Variants in NME4 observed in about 807,000 individuals in gnomAD.
The protein encoded by NME4 is NME/NM23 nucleoside diphosphate kinase 4, also known as nucleoside diphosphate kinase D, mitochondrial.
In NME4, 21 loss-of-function variants were observed where a neutral mutation model predicts 16.4. The ratio of observed to expected loss-of-function variants is 1.28; its 90% CI spans 0.91 to 1.84. The LOEUF is 1.84. Ranked by LOEUF, NME4 falls within the 40% of genes most tolerant of loss-of-function variation. The pLI is 0.00. For missense variants in NME4, 316 were observed against 261.3 expected (o/e 1.21, Z -1.44); for synonymous variants, 132 against 107.5 (o/e 1.23, Z -1.41).
intron 3 of NME4, 44 bp downstream of exon 3, chr16:399,524 C>A: frequency 1.3e-6 from 2 of 1,595,704 alleles, no homozygotes; most frequent in Non-Finnish European, 1.7e-6. Context: ...GGGTAAAGGG[C>A]GTGTGGGTGT....
chr16:400,430 G>C lies in NME4; in HGVS notation c.*88G>C. 1 of 1,503,990 alleles carries C rather than the reference G, an allele frequency of 6.6e-7. No homozygotes were observed. Among genetic ancestry groups the C allele is most frequent in the Non-Finnish European group, 8.9e-7 (1 of 1,126,528 alleles). The allele number at this position is 1,503,990 out of a possible 1,614,324, so 93.2% of individuals were successfully genotyped here. A position where few individuals can be genotyped will look rare whatever the true frequency, so the allele number is the denominator to read the frequency against. On this transcript the variant is annotated 3_prime_UTR_variant, in exon 5 of 5. Coordinates refer to ENST00000219479, the MANE Select transcript of NME4 (RefSeq NM_005009.3). The stretch of plus-strand genomic sequence containing the variant: ...CCCAAGCCCACATCCAAACCTGCCT[G>C]TCCCAAACCACTTACTTCCCTGTTC...
At chr16:399,354 T>C (rs1473301464) in intron 2 of NME4, 25 bp from the exon 3 acceptor site, 1 of 1,607,856 alleles carries the variant, frequency 6.2e-7, no homozygotes, top group Non-Finnish European at 8.5e-7. Flanking sequence ...TGTCTGCGGC[T>C]CCTCCTTACC....
chr16:399,963 AC>A, intron 4 of NME4: 1 of 651,550 alleles, frequency 1.5e-6, no homozygotes. Flanking sequence ...GTTACCTGAC[AC>A]CCCAAGGGGT....
chr16:398,918 G>C (rs1228874067), intron 1 of NME4, 72 bp from the exon 2 acceptor site: 43 of 1,589,988 alleles, frequency 2.7e-5, no homozygotes, highest in Non-Finnish European at 2.7e-5. Context: ...CCTGGGCTCT[G>C]GCTGGGAAAC....
rs2054565851 is a variant in NME4, at chr16:397,438, CG to C, written c.91+129del. On this transcript the variant is annotated intron_variant, in intron 1 of 4. Coordinates refer to ENST00000219479, the MANE Select transcript of NME4 (RefSeq NM_005009.3). The stretch of plus-strand genomic sequence containing the variant: ...CCCAGAGGCCTCGGGGCGCGGGCTG[CG>C]GGGTCCGTCCGAGTTGGGGAAGGCG... The C allele has an allele frequency of 4.2e-5, 11 of 264,928 alleles. No individual in the cohort carries two copies. The South Asian group carries it at 1.6e-3, about 39-fold the overall frequency. 16.4% of individuals were successfully genotyped at this position (264,928 alleles called of 1,614,324 possible).
rs763284938 is a variant in NME4 at position 399,059 on chromosome 16, T to C, written c.161T>C (p.Val54Ala). ...VKPDGVQRRLVGDVIQRFERR... is the reference protein window; with the variant it reads ...VKPDGVQRRLAGDVIQRFERR... ...CCCGATGGCGTGCAACGGCGGCTCG[T>C]TGGGGACGTGATCCAGCGCTTTGAG... The change falls in exon 2 of 5, where the codon GTT becomes GCT. Residue 54 changes from valine to alanine, a missense_variant. Physicochemically the swap from Val to Ala is moderately conservative, Grantham distance 64. Coordinates refer to ENST00000219479, the MANE Select transcript of NME4 (RefSeq NM_005009.3). 7 of 1,606,278 alleles carry C rather than the reference T, an allele frequency of 4.4e-6. No homozygotes were observed. Among genetic ancestry groups the C allele is most frequent in the South Asian group, 2.2e-5 (2 of 90,934 alleles).
At chr16:398,501 T>C in intron 1 of NME4, 3 of 876,908 alleles carry the variant, frequency 3.4e-6, no homozygotes, top group Non-Finnish European at 4.6e-6. Context: ...TCTGTCGTCA[T>C]CCAGAAGGGA....
intron 1 of NME4, chr16:398,127 G>T: frequency 1.3e-6 from 2 of 1,533,726 alleles, no homozygotes; most frequent in South Asian, 2.4e-5. Context: ...GGAAACCAGG[G>T]ACCCGATGCC....
chr16:398,179 G>C, intron 1 of NME4: 1 of 1,507,904 alleles, frequency 6.6e-7, no homozygotes, highest in Non-Finnish European at 8.9e-7. Context: ...ACTATAGGAA[G>C]GTGAGGACGT....
At chr16:398,746 G>A (rs2054599587) in intron 1 of NME4, 2 of 590,606 alleles carry the variant, frequency 3.4e-6, no homozygotes, top group Admixed American at 3.2e-5. Context: ...TGCCTCTGCT[G>A]GGAGGAGCCA....
chr16:398,312 C>G, intron 1 of NME4: 5 of 1,334,572 alleles, frequency 3.7e-6, no homozygotes, highest in Non-Finnish European at 4.9e-6. Context: ...CGTCTCCTGG[C>G]TCGGACAGAA....
chr16:400,130 C>CA, intron 4 of NME4, 89 bp from the exon 5 acceptor site: 2 of 1,560,744 alleles, frequency 1.3e-6, no homozygotes, highest in Non-Finnish European at 1.7e-6. Context: ...CTCCCCTAGA[C>CA]AGAGGGCAAC....
rs1251815841 is a variant in NME4 at position 397,228 on chromosome 16, C to T, written c.6C>T (p.Gly2=). ...CGGCCCGCGGGCCGGGCGTCATGGG[C>T]GGCCTCTTCTGGCGCTCCGCGCTGC... The part of the protein sequence containing the change: M[G]GLFWRSALRG... Residue 2 remains glycine (G), a synonymous_variant, in exon 1 of 5, where the codon GGC becomes GGT. Transcript: ENST00000219479. 11 of 1,027,792 alleles carry T rather than the reference C, an allele frequency of 1.1e-5. No homozygotes were observed. The highest frequency in any genetic ancestry group is 4.6e-4 in the Middle Eastern group (1 of 2,180). 63.7% of individuals were successfully genotyped at this position (1,027,792 alleles called of 1,614,324 possible).
In NME4 at chr16:399,721, T is replaced by A; in HGVS notation, c.422T>A (p.Phe141Tyr). 2 of 1,612,818 alleles carry A rather than the reference T, an allele frequency of 1.2e-6. No individual in the cohort carries two copies. Among genetic ancestry groups the A allele is most frequent in the Non-Finnish European group, 8.5e-7 (1 of 1,179,878 alleles). ...EAAPGTIRGD[F>Y]SVHISRNVIH... ...GCCCCAGGAACCATAAGGGGTGACT[T>A]CAGCGTCCACATCAGCAGGTACGGG... is the stretch of plus-strand genomic sequence containing the variant. The change falls in exon 4 of 5, where the codon TTC becomes TAC. Residue 141 changes from phenylalanine (F) to tyrosine (Y), a missense_variant. Coordinates refer to ENST00000219479, the MANE Select transcript of NME4 (RefSeq NM_005009.3).
intron 1 of NME4, chr16:398,026 C>T (rs371078278): frequency 2.8e-5 from 43 of 1,535,948 alleles, no homozygotes; most frequent in South Asian, 3.6e-5. Flanking sequence ...GGGCTTCAGC[C>T]GCCTGCTGGG....
At chr16:397,983 G>T in intron 1 of NME4, 1 of 1,543,686 alleles carries the variant, frequency 6.5e-7, no homozygotes. Context: ...TGGGTTTTGG[G>T]GGAACAAACC....
At chr16:398,102 G>A in intron 1 of NME4, 1 of 1,533,904 alleles carries the variant, frequency 6.5e-7, no homozygotes, top group Non-Finnish European at 8.8e-7. Flanking sequence ...GGACATACAG[G>A]GTCTGGGCTC....
chr16:397,253 C>T lies in NME4; in HGVS notation c.31C>T (p.Arg11Trp). MGGLFWRSAL[R>W]GLRCGPRAPG... ...CGGCCTCTTCTGGCGCTCCGCGCTG[C>T]GGGGGCTGCGCTGCGGCCCGCGGGC... Residue 11 changes from arginine (R) to tryptophan (W), a missense_variant, in exon 1 of 5, where the codon CGG (arginine) becomes TGG (tryptophan). Physicochemically the swap from Arg to Trp is moderately radical, Grantham distance 101. Coordinates refer to ENST00000219479, the MANE Select transcript of NME4 (RefSeq NM_005009.3). 1 of 1,045,660 alleles carries T rather than the reference C, an allele frequency of 9.6e-7. No homozygotes were observed. Among genetic ancestry groups the T allele is most frequent in the Non-Finnish European group, 1.1e-6 (1 of 871,386 alleles). 64.8% of individuals were successfully genotyped at this position (1,045,660 alleles called of 1,614,324 possible).
rs753898470 is a variant in NME4, at chr16:399,654, G to A, written c.355G>A (p.Ala119Thr). ...CTGGGAAGGGTACAATGTCGTCCGC[G>A]CCTCGAGGGCCATGATTGGACACAC... ...MVWEGYNVVR[A>T]SRAMIGHTDS... Residue 119 changes from alanine (A) to threonine (T), a missense_variant, in exon 4 of 5, where the codon GCC (alanine) becomes ACC (threonine). By Grantham distance (58) the Ala-to-Thr change is moderately conservative. Coordinates refer to ENST00000219479, the MANE Select transcript of NME4 (RefSeq NM_005009.3). The A allele has an allele frequency of 5.0e-6, 8 of 1,613,170 alleles. No individual in the cohort carries two copies. The South Asian group carries it at 6.6e-5, about 13-fold the overall frequency.
Sources: gnomAD v4.1 joint callset for allele counts on GRCh38, gnomAD v4.1.1 for gene constraint, MANE v1.5 for transcripts, NCBI Gene and HGNC (gene_info 2026-07-23, HGNC 2026-07-21) for gene names.